The following SLC28A3 variants were observed in gnomAD, a reference collection of about 807,000 sequenced individuals.
SLC28A3 encodes concentrative Na(+)-nucleoside cotransporter 3.
A neutral mutation model predicts 84.2 loss-of-function variants in SLC28A3; 68 were observed. The observed-to-expected ratio is 0.81, with a 90% CI of 0.66 to 0.99. SLC28A3 has a LOEUF of 0.99. Ranked by LOEUF, SLC28A3 falls within the 50% of genes least tolerant of loss-of-function variation. SLC28A3 has a pLI of 0.00. For synonymous variants in SLC28A3, 267 were observed against 303.6 expected, an observed-to-expected ratio of 0.88 and a Z score of 1.25; for missense variants, 712 against 841.5, an observed-to-expected ratio of 0.85 and a Z score of 1.90.
chr9:84,308,069 C>T (rs964275056), intron 3 of SLC28A3, among the ~76,000 whole-genome samples: 2 of 152,142 alleles, frequency 1.3e-5, no homozygotes, highest in Non-Finnish European at 2.9e-5. Flanking sequence ...AACCCTAATT[C>T]TGGCCAACTC....
intron 1 of SLC28A3, among the ~76,000 whole-genome samples, chr9:84,313,986 A>C (rs12552687): frequency 0.16 from 24,767 of 152,064 alleles, 2,074 homozygotes; most frequent in Non-Finnish European, 0.19. Context: ...AATTGCCCTC[A>C]TCTCGGCCTG....
Position 84,302,294 on chromosome 9 carries a change from AGACAACAAAGAAGATGGCAGCCACG to A in SLC28A3, c.405_429del (p.Val136GlyfsTer4). On this transcript the variant is annotated frameshift_variant, in exon 5 of 18. Transcript: ENST00000376238. LOFTEE classifies it high-confidence loss of function. ...TCGTATTTGGCCATCAGGTGATCCC[AGACAACAAAGAAGATGGCAGCCACG>A]GTGATCACAAAAAGAGGAAGGGCTC... The A allele has an allele frequency of 6.2e-7, 1 of 1,614,228 alleles. No individual in the cohort carries two copies. Among genetic ancestry groups the A allele is most frequent in the Non-Finnish European group, 8.5e-7 (1 of 1,180,028 alleles).
the SLC28A3 span, among the ~76,000 whole-genome samples, chr9:84,353,334 A>G: frequency 6.6e-6 from 1 of 152,216 alleles, no homozygotes; most frequent in Non-Finnish European, 1.5e-5. Context: ...CTTAAACAAC[A>G]TGGTAAAACA....
chr9:84,329,010 G>T (rs1826677787), intron 1 of SLC28A3, among the ~76,000 whole-genome samples: 1 of 152,120 alleles, frequency 6.6e-6, no homozygotes, highest in African/African-American at 2.4e-5. Flanking sequence ...TACATTCAAA[G>T]ACCTAAATAG....
intron 5 of SLC28A3, among the ~76,000 whole-genome samples, chr9:84,299,963 T>A (rs911250194): frequency 6.6e-6 from 1 of 152,166 alleles, no homozygotes; most frequent in Admixed American, 6.5e-5. Flanking sequence ...TGGCTAATTT[T>A]TGTATTTTTA....
At chr9:84,289,147 C>T (rs1441452373) in intron 11 of SLC28A3, among the ~76,000 whole-genome samples, 1 of 152,192 alleles carries the variant, frequency 6.6e-6, no homozygotes, top group Admixed American at 6.5e-5. Flanking sequence ...CCTGTTCCCC[C>T]CAGAACATTT....
intron 16 of SLC28A3, 97 bp from the exon 17 acceptor site, chr9:84,279,482 C>T: frequency 2.0e-6 from 2 of 1,001,648 alleles, no homozygotes; most frequent in Non-Finnish European, 2.6e-6. Context: ...TGCGCTTTTG[C>T]CCAGGCTAGA....
the SLC28A3 span, among the ~76,000 whole-genome samples, chr9:84,363,905 C>T: frequency 3.3e-5 from 5 of 151,858 alleles, no homozygotes; most frequent in East Asian, 7.7e-4. Context: ...TCCATACTGA[C>T]CAAAGTTTGT....
At chr9:84,322,234 AAGAT>A (rs1354607537) in intron 1 of SLC28A3, among the ~76,000 whole-genome samples, 4 of 152,240 alleles carry the variant, frequency 2.6e-5, no homozygotes, top group Admixed American at 1.3e-4. Flanking sequence ...TTGTTGGAAT[AAGAT>A]AGAAGAAGAA....
chr9:84,326,434 A>C (rs1307492891), intron 1 of SLC28A3, among the ~76,000 whole-genome samples: 1 of 152,188 alleles, frequency 6.6e-6, no homozygotes, highest in Non-Finnish European at 1.5e-5. Flanking sequence ...ACCAGTCTTG[A>C]TTCTATCCTA....
chr9:84,312,546 T>A (rs945655531), intron 2 of SLC28A3, among the ~76,000 whole-genome samples: 10 of 150,688 alleles, frequency 6.6e-5, no homozygotes, highest in Non-Finnish European at 1.2e-4. Context: ...AAATTCCTTT[T>A]TTTTTTTTTT....
At chr9:84,336,741 G>T (rs1166186581) in intron 1 of SLC28A3, among the ~76,000 whole-genome samples, 2 of 152,122 alleles carry the variant, frequency 1.3e-5, no homozygotes, top group South Asian at 2.1e-4. Flanking sequence ...CTTAGCACAC[G>T]CAGAGGCCAC....
chr9:84,337,616 A>G (rs562600925), intron 1 of SLC28A3, among the ~76,000 whole-genome samples: 2 of 152,312 alleles, frequency 1.3e-5, no homozygotes, highest in East Asian at 3.9e-4. Context: ...TAAAATAAGA[A>G]ATCCTTAGAT....
upstream of SLC28A3, among the ~76,000 whole-genome samples, chr9:84,342,432 TTG>T (rs59071405): frequency 0.35 from 52,911 of 150,364 alleles, 12,190 homozygotes; most frequent in African/African-American, 0.65. Context: ...AAGTAGATTC[TTG>T]TGTGTGTGTG....
intron 1 of SLC28A3, among the ~76,000 whole-genome samples, chr9:84,340,209 C>G (rs546310017): frequency 2.8e-4 from 42 of 152,226 alleles, no homozygotes; most frequent in African/African-American, 9.9e-4. Context: ...TAAAAGGAAC[C>G]CTGAGACACT....
chr9:84,312,174 G>A (rs913363177), intron 2 of SLC28A3, among the ~76,000 whole-genome samples: 3 of 152,194 alleles, frequency 2.0e-5, no homozygotes, highest in Non-Finnish European at 2.9e-5. Context: ...TACAAATAAA[G>A]CTGCTCTAAA....
At position 84,297,450 on chromosome 9, in the gene SLC28A3, A is replaced by G. The variant is rs979976917; in HGVS notation, c.784-152T>C. On this transcript the variant is annotated intron_variant, in intron 7 of 17. Coordinates refer to ENST00000376238, the MANE Select transcript of SLC28A3 (RefSeq NM_001199633.2). ...GTTCTCAGCTTTGCCCCCTCCAATGAATGGTGTAGAAGCATATTTTTGAAA... is the reference window on the plus strand; with the variant it reads ...GTTCTCAGCTTTGCCCCCTCCAATGGATGGTGTAGAAGCATATTTTTGAAA... The G allele has an allele frequency of 5.4e-5, 33 of 614,382 alleles. No homozygotes were observed. The African/African-American group carries it at 5.9e-4, about 11-fold the overall frequency. 38.1% of individuals were successfully genotyped at this position (614,382 alleles called of 1,614,324 possible).
intron 1 of SLC28A3, among the ~76,000 whole-genome samples, chr9:84,320,591 C>T (rs1353635838): frequency 6.6e-6 from 1 of 152,104 alleles, no homozygotes; most frequent in Non-Finnish European, 1.5e-5. Flanking sequence ...ATGTGCTTCC[C>T]TGGGGCTCTG....
chr9:84,278,275 G>A lies in SLC28A3; in HGVS notation c.2019C>T (p.Cys673=), dbSNP rs1361319772. The change falls in exon 18 of 18, where the codon TGC becomes TGT. Residue 673 remains cysteine, a synonymous_variant. Transcript: ENST00000376238. The part of the protein sequence containing the change: ...GNHSLYSLKG[C]CTLLNPSTFN... ...AGGTCGATGGATTCAACAATGTGCA[G>A]CAGCCCTTCAAAGAATACAGACTGT... The A allele has an allele frequency of 2.5e-6, 4 of 1,614,142 alleles. No homozygotes were observed. The highest frequency in any genetic ancestry group is 3.3e-5 in the Admixed American group (2 of 60,014).
Sources: allele counts gnomAD v4.1 joint callset (sites outside exome capture counted in the v4.1 genomes callset), GRCh38; gene constraint gnomAD v4.1.1; transcripts MANE v1.5; gene names NCBI Gene and HGNC (gene_info 2026-07-23, HGNC 2026-07-21).